Variants in RSBN1 observed in about 807,000 individuals in gnomAD.
The protein encoded by RSBN1 is round spermatid basic protein 1, also known as lysine-specific demethylase 9.
In RSBN1, 23 loss-of-function variants were observed where a neutral mutation model predicts 74.8. That is an observed-to-expected ratio of 0.31 (90% confidence interval 0.22 to 0.44). The LOEUF is 0.44. Ranked by LOEUF, RSBN1 falls within the 20% of genes least tolerant of loss-of-function variation. RSBN1 has a pLI of 1.00. For synonymous variants in RSBN1, 407 were observed against 379.6 expected (o/e 1.07, Z -0.84); for missense variants, 808 against 1,020.9 (o/e 0.79, Z 2.84).
chr1:113,811,883 G>T lies in RSBN1; in HGVS notation c.530C>A (p.Thr177Lys). The stretch of plus-strand genomic sequence containing the variant: ...ATGCTTGGGCCCGGCCGCGCTCACC[G>T]TCAGAGGCGAGAAGGTGAAGAGGGC... The part of the protein sequence containing the change: ...TSALFTFSPL[T>K]VSAAGPKHKG... The change falls in exon 1 of 7, where the codon ACG becomes AAG. Residue 177 changes from threonine (T) to lysine (K), a missense_variant. Coordinates refer to ENST00000261441, the MANE Select transcript of RSBN1 (RefSeq NM_018364.5). 6.2e-7 allele frequency: 1 copy of T among 1,612,856 alleles called. No homozygotes were observed. The highest frequency in any genetic ancestry group is 8.5e-7 in the Non-Finnish European group (1 of 1,179,686).
At chr1:113,774,622 A>T (rs1659980844) in intron 4 of RSBN1, among the ~76,000 whole-genome samples, 1 of 152,070 alleles carries the variant, frequency 6.6e-6, no homozygotes. Flanking sequence ...GCTTGCAGTG[A>T]GCCGAGATCG....
chr1:113,787,361 G>C (rs1660265598), intron 2 of RSBN1, among the ~76,000 whole-genome samples: 1 of 152,124 alleles, frequency 6.6e-6, no homozygotes, highest in Non-Finnish European at 1.5e-5. Flanking sequence ...ACAGATACAA[G>C]CTATCAAAAT....
chr1:113,791,066 T>A (rs1026242344), intron 2 of RSBN1, among the ~76,000 whole-genome samples: 4 of 151,922 alleles, frequency 2.6e-5, no homozygotes, highest in African/African-American at 4.8e-5. Flanking sequence ...ACAAACAGAA[T>A]TGGGAGGACT....
chr1:113,774,872 A>C (rs1383804534), intron 4 of RSBN1, among the ~76,000 whole-genome samples: 2 of 152,212 alleles, frequency 1.3e-5, no homozygotes, highest in East Asian at 3.8e-4. Context: ...AAACAAAAAC[A>C]AAAACCAAGA....
chr1:113,789,609 G>A (rs1303179180), intron 2 of RSBN1, among the ~76,000 whole-genome samples: 1 of 152,200 alleles, frequency 6.6e-6, no homozygotes, highest in Non-Finnish European at 1.5e-5. Context: ...GTGGGAAGGA[G>A]AGGCCAGTCC....
At chr1:113,807,084 G>A (rs566664269) in intron 1 of RSBN1, among the ~76,000 whole-genome samples, 5 of 152,020 alleles carry the variant, frequency 3.3e-5, no homozygotes, top group Admixed American at 6.6e-5. Context: ...AGACCAAGGC[G>A]GGCGGATCAC....
rs748962265 is a variant in RSBN1, at chr1:113,797,709, G to C, written c.1031C>G (p.Ser344Cys). ...TGTTTTTAAGAAATTTCTACGAATA[G>C]AATGTTCCTGGTGAGTCATAAAAGG... Reference protein sequence around the residue: ...QTPFMTHQEHSIRRNFLKTGT... With the variant: ...QTPFMTHQEHCIRRNFLKTGT... The change falls in exon 2 of 7, where the codon TCT becomes TGT. Residue 344 changes from serine to cysteine, a missense_variant. Coordinates refer to ENST00000261441, the MANE Select transcript of RSBN1 (RefSeq NM_018364.5). 1.2e-6 allele frequency: 2 copies of C among 1,614,102 alleles called. No homozygotes were observed. Among genetic ancestry groups the C allele is most frequent in the Non-Finnish European group, 1.7e-6 (2 of 1,179,986 alleles).
At chr1:113,782,372 T>G (rs1255133411) in intron 2 of RSBN1, among the ~76,000 whole-genome samples, 1 of 152,214 alleles carries the variant, frequency 6.6e-6, no homozygotes, top group Non-Finnish European at 1.5e-5. Context: ...ACATATAATT[T>G]TTTAAGTGAC....
chr1:113,787,828 CCA>C (rs900641893), intron 2 of RSBN1, among the ~76,000 whole-genome samples: 1 of 152,142 alleles, frequency 6.6e-6, no homozygotes, highest in Middle Eastern at 3.2e-3. Flanking sequence ...CACAATATGA[CCA>C]CATTCCCTAT....
chr1:113,802,744 A>C (rs189083500), intron 1 of RSBN1, among the ~76,000 whole-genome samples: 168 of 151,830 alleles, frequency 1.1e-3, no homozygotes, highest in African/African-American at 3.8e-3. Flanking sequence ...TAGAACTATA[A>C]CCACACCTGG....
At position 113,797,791 on chromosome 1, in the gene RSBN1, G is replaced by A. The variant is rs1424161859; in HGVS notation, c.949C>T (p.Leu317=). The A allele has an allele frequency of 6.2e-7, 1 of 1,614,142 alleles. No individual in the cohort carries two copies. ...ESFRYLKDEQ[L]CRLNLGMQEY... is the part of the protein sequence containing the mutation. ...TGCATACCCAAATTTAATCGGCACA[G>A]CTGTTCATCTTTCAGATACCTGAAG... is the stretch of plus-strand genomic sequence containing the variant. Residue 317 remains leucine (L), a synonymous_variant, in exon 2 of 7, where the codon CTG becomes TTG. Coordinates refer to ENST00000261441, the MANE Select transcript of RSBN1 (RefSeq NM_018364.5).
In RSBN1 at chr1:113,767,081, T is replaced by C. The variant is rs1196587668; in HGVS notation, c.1935+18A>G. The C allele has an allele frequency of 2.1e-6, 3 of 1,425,522 alleles. No individual in the cohort carries two copies. Among genetic ancestry groups the C allele is most frequent in the African/African-American group, 2.8e-5 (2 of 70,244 alleles). The allele number at this position is 1,425,522 out of a possible 1,614,324, so 88.3% of individuals were successfully genotyped here. On this transcript the variant is annotated intron_variant, in intron 6 of 6. Coordinates refer to ENST00000261441, the MANE Select transcript of RSBN1 (RefSeq NM_018364.5). ...TTACTTCTAATATCGCAAATGGTGA[T>C]AAAACATAAGTTATTACCTGGGAAA...
At chr1:113,806,199 G>T (rs373885982) in intron 1 of RSBN1, among the ~76,000 whole-genome samples, 12 of 152,146 alleles carry the variant, frequency 7.9e-5, no homozygotes, top group African/African-American at 2.7e-4. Context: ...GCTGGGTGTG[G>T]TGGTGGGCGC....
At chr1:113,782,016 G>C (rs1247589398) in intron 2 of RSBN1, among the ~76,000 whole-genome samples, 2 of 152,082 alleles carry the variant, frequency 1.3e-5, no homozygotes, top group Non-Finnish European at 2.9e-5. Flanking sequence ...ATTACCTGTA[G>C]CATCAAACTA....
In RSBN1 at chr1:113,766,112, AGAT is replaced by A; in HGVS notation, c.2274_2276del (p.Ser759del). The A allele has an allele frequency of 6.2e-7, 1 of 1,614,090 alleles. No homozygotes were observed. The highest frequency in any genetic ancestry group is 8.5e-7 in the Non-Finnish European group (1 of 1,179,956). ...GATTAAGTTCTGATGCAGGTGGGAA[AGAT>A]GATGAAGCAGTTGTTAACAGCTGAA... On this transcript the variant is annotated inframe_deletion, in exon 7 of 7. Transcript: ENST00000261441.
chr1:113,799,915 G>C (rs898684269), intron 1 of RSBN1, among the ~76,000 whole-genome samples: 1 of 152,068 alleles, frequency 6.6e-6, no homozygotes, highest in Non-Finnish European at 1.5e-5. Flanking sequence ...TTACTGCATA[G>C]AATTTACCCA....
Position 113,797,809 on chromosome 1 carries a change from A to C in RSBN1, c.931T>G (p.Tyr311Asp), listed in dbSNP as rs760397630. ...TSGLNKESFRYLKDEQLCRLN... is the reference protein window; with the variant it reads ...TSGLNKESFRDLKDEQLCRLN... ...CGGCACAGCTGTTCATCTTTCAGAT[A>C]CCTGAAGGACTCCTTATTAAGTCCT... The change falls in exon 2 of 7, where the codon TAT becomes GAT. Residue 311 changes from tyrosine (Y) to aspartate (D), a missense_variant. Transcript: ENST00000261441. 1 of 1,614,112 alleles carries C rather than the reference A, an allele frequency of 6.2e-7. No individual in the cohort carries two copies. The highest frequency in any genetic ancestry group is 8.5e-7 in the Non-Finnish European group (1 of 1,179,994).
chr1:113,770,769 G>A (rs111851584), intron 4 of RSBN1, among the ~76,000 whole-genome samples: 447 of 151,850 alleles, frequency 2.9e-3, no homozygotes, highest in African/African-American at 0.01. Flanking sequence ...GCCTGACAGA[G>A]AAAAACCAAA....
In RSBN1 at chr1:113,797,927, A is replaced by C. The variant is rs1660506144; in HGVS notation, c.813T>G (p.Leu271=). 8 of 1,612,554 alleles carry C rather than the reference A, an allele frequency of 5.0e-6. No individual in the cohort carries two copies. Among genetic ancestry groups the C allele is most frequent in the Non-Finnish European group, 6.8e-6 (8 of 1,179,486 alleles). ...KHREDMRGRR[L]KMYNKEVQTV... ...TTTGTACTTCCTTATTGTACATTTT[A>C]AGGCGTCTTCCTCGCATGTCTTCTC... Residue 271 remains leucine (L), a synonymous_variant, in exon 2 of 7, where the codon CTT becomes CTG. Transcript: ENST00000261441.
Sources: allele counts gnomAD v4.1 joint callset (sites outside exome capture counted in the v4.1 genomes callset), GRCh38; gene constraint gnomAD v4.1.1; transcripts MANE v1.5; gene names NCBI Gene and HGNC (gene_info 2026-07-23, HGNC 2026-07-21).